MTFR1: variants seen among roughly 807,000 people sequenced by gnomAD.
The protein encoded by MTFR1 is chondrocyte protein with a poly-proline region.
Under a neutral mutation model 38.8 loss-of-function variants are expected in MTFR1, and 28 were observed. The ratio of observed to expected loss-of-function variants is 0.72; its 90% CI spans 0.53 to 0.99. The LOEUF (loss-of-function observed/expected upper bound fraction) is 0.99, where lower values mean the gene tolerates loss of function less well. Ranked by LOEUF, MTFR1 falls within the 50% of genes least tolerant of loss-of-function variation. The pLI, the probability that MTFR1 is intolerant of heterozygous loss-of-function variation, is 0.00. For missense variants in MTFR1, 358 were observed against 395.5 expected, an observed-to-expected ratio of 0.91 and a Z score of 0.81; for synonymous variants, 145 against 137.0, an observed-to-expected ratio of 1.06 and a Z score of -0.41.
chr8:65,708,729 T>G (rs1805857284), intron 7 of MTFR1, among the ~76,000 whole-genome samples: 3 of 152,206 alleles, frequency 2.0e-5, no homozygotes, highest in Admixed American at 2.0e-4. Flanking sequence ...AAAAGCAGGG[T>G]ATTGCCAAGA....
chr8:65,671,767 AC>A (rs1257293243), intron 2 of MTFR1, among the ~76,000 whole-genome samples: 1 of 152,296 alleles, frequency 6.6e-6, no homozygotes, highest in East Asian at 1.9e-4. Flanking sequence ...ATTTAAACAC[AC>A]TTGAATCTGA....
chr8:65,708,582 C>T (rs1209337964), intron 7 of MTFR1, among the ~76,000 whole-genome samples: 1 of 152,202 alleles, frequency 6.6e-6, no homozygotes, highest in Non-Finnish European at 1.5e-5. Flanking sequence ...ATTAACATTA[C>T]TGTCCTGGGG....
In MTFR1 at chr8:65,751,165, C is replaced by T. The variant is rs542519774; in HGVS notation, c.*49-19782C>T. 7.2e-5 allele frequency among the ~76,000 whole-genome samples: 11 copies of T among 152,314 alleles called. No homozygotes were observed. In the East Asian group the frequency reaches 2.1e-3, roughly 29 times the overall value. On this transcript the variant is annotated intron_variant, in intron 3 of 3. Transcript: ENST00000521247. Reference sequence around the variant, plus strand: ...CCTCATACAGGAAGCCTACACGTAACAAGATTATATTCTGGTAAAGAATGA... The same window carrying T: ...CCTCATACAGGAAGCCTACACGTAATAAGATTATATTCTGGTAAAGAATGA...
intron 3 of MTFR1, chr8:65,765,479 ACT>A (rs1420995063): frequency 1.3e-4 from 13 of 101,840 alleles, no homozygotes; most frequent in Non-Finnish European, 2.2e-4. Flanking sequence ...ACAGAGCGAG[ACT>A]CCGTCTCAAA....
chr8:65,729,881 ATTC>A (rs1254734126), intron 3 of MTFR1, among the ~76,000 whole-genome samples: 5 of 152,174 alleles, frequency 3.3e-5, no homozygotes, highest in African/African-American at 1.2e-4. Context: ...GTGAAGACAG[ATTC>A]TTGACACATT....
intron 3 of MTFR1, among the ~76,000 whole-genome samples, chr8:65,689,142 C>T (rs1039950119): frequency 6.6e-6 from 1 of 152,154 alleles, no homozygotes; most frequent in African/African-American, 2.4e-5. Context: ...AAGACTTGGT[C>T]TCAAAAACAA....
At chr8:65,656,776 C>T (rs990880442) in intron 1 of MTFR1, among the ~76,000 whole-genome samples, 1 of 151,694 alleles carries the variant, frequency 6.6e-6, no homozygotes, top group Non-Finnish European at 1.5e-5. Context: ...TCTGGGATTA[C>T]AACTATAAGC....
rs534102274 is a variant in MTFR1, at chr8:65,682,477, A to G, written c.165+26A>G. 70 of 1,167,210 alleles carry G rather than the reference A, an allele frequency of 6.0e-5. 1 individual carries two copies. In the South Asian group the frequency reaches 1.5e-3, roughly 25 times the overall value. 72.3% of individuals were successfully genotyped at this position (1,167,210 alleles called of 1,614,324 possible). ...GTATTATATTTTATATATTTTAAGT[A>G]TTTTATTAATATGTACATTAGAAAT... On this transcript the variant is annotated intron_variant, in intron 3 of 7. Coordinates refer to ENST00000262146, the MANE Select transcript of MTFR1 (RefSeq NM_014637.4).
chr8:65,704,798 A>C lies in MTFR1; in HGVS notation c.386A>C (p.Gln129Pro). The change falls in exon 5 of 8, where the codon CAG becomes CCG. Residue 129 changes from glutamine (Q) to proline (P), a missense_variant. Transcript: ENST00000262146. Reference sequence around the variant, plus strand: ...CCAGACTTGTCTCAAGAAGAGCCTCAGCTGAAGACCCCAGCGCTGGCAAAT... The same window carrying C: ...CCAGACTTGTCTCAAGAAGAGCCTCCGCTGAAGACCCCAGCGCTGGCAAAT... The part of the protein sequence containing the change: ...SLPDLSQEEP[Q>P]LKTPALANEE... The C allele has an allele frequency of 6.2e-7, 1 of 1,614,150 alleles. No homozygotes were observed.
rs1805870633 is a variant in MTFR1 at position 65,709,133 on chromosome 8, T to A, written c.*89T>A. 2 of 1,126,400 alleles carry A rather than the reference T, an allele frequency of 1.8e-6. No individual in the cohort carries two copies. Among genetic ancestry groups the A allele is most frequent in the Admixed American group, 3.5e-5 (2 of 57,750 alleles). 69.8% of individuals were successfully genotyped at this position (1,126,400 alleles called of 1,614,324 possible). ...GTAGAAATCGACACTGTTTAGTAAA[T>A]ACCTCTTTAGTATTCAGTGGTCTTC... is the stretch of plus-strand genomic sequence containing the variant. On this transcript the variant is annotated 3_prime_UTR_variant, in exon 8 of 8. Coordinates refer to ENST00000262146, the MANE Select transcript of MTFR1 (RefSeq NM_014637.4).
chr8:65,713,393 A>G (rs976431845), downstream of MTFR1, among the ~76,000 whole-genome samples: 1 of 150,316 alleles, frequency 6.7e-6, no homozygotes, highest in Non-Finnish European at 1.5e-5. Context: ...GTGAGCCAAG[A>G]TCACACCGCT....
At chr8:65,691,613 C>T (rs1386472054) in intron 3 of MTFR1, among the ~76,000 whole-genome samples, 10 of 152,074 alleles carry the variant, frequency 6.6e-5, no homozygotes, top group African/African-American at 2.2e-4. Flanking sequence ...GCTTTAGATA[C>T]TCGATGTTCT....
intron 1 of MTFR1, among the ~76,000 whole-genome samples, chr8:65,662,255 G>A (rs1187293700): frequency 1.3e-5 from 2 of 152,030 alleles, no homozygotes; most frequent in African/African-American, 4.8e-5. Flanking sequence ...GCGCCGCCAC[G>A]CCTGATTGGT....
downstream of MTFR1, among the ~76,000 whole-genome samples, chr8:65,772,732 G>A (rs1032099450): frequency 1.1e-4 from 17 of 152,202 alleles, no homozygotes; most frequent in African/African-American, 3.6e-4. Flanking sequence ...GGCCAGGTGC[G>A]GTGGTTCATG....
chr8:65,735,555 C>T (rs1448858716), intron 3 of MTFR1, among the ~76,000 whole-genome samples: 1 of 152,188 alleles, frequency 6.6e-6, no homozygotes, highest in Non-Finnish European at 1.5e-5. Flanking sequence ...AAGGAGTCCA[C>T]CTGCCTTGGC....
At chr8:65,676,659 C>T (rs754537523) in intron 2 of MTFR1, among the ~76,000 whole-genome samples, 2 of 152,108 alleles carry the variant, frequency 1.3e-5, no homozygotes, top group Non-Finnish European at 2.9e-5. Flanking sequence ...CCACCACACC[C>T]AGCCAGAAAA....
chr8:65,734,202 C>A (rs192841669), intron 3 of MTFR1, among the ~76,000 whole-genome samples: 22 of 152,212 alleles, frequency 1.4e-4, no homozygotes, highest in African/African-American at 4.8e-4. Flanking sequence ...GGAAGACTTC[C>A]ACCTTCTACT....
intron 3 of MTFR1, among the ~76,000 whole-genome samples, chr8:65,738,462 A>G (rs1032329989): frequency 2.6e-5 from 4 of 152,236 alleles, no homozygotes; most frequent in South Asian, 2.1e-4. Context: ...ACCAGGAATC[A>G]TGAATTCCTT....
At chr8:65,760,880 G>A (rs1427884269) in intron 3 of MTFR1, among the ~76,000 whole-genome samples, 2 of 152,130 alleles carry the variant, frequency 1.3e-5, no homozygotes, top group South Asian at 2.1e-4. Flanking sequence ...CCACTACAGA[G>A]AGGAAAGGAT....
Sources: gnomAD v4.1 joint callset for allele counts (sites outside exome capture counted in the v4.1 genomes callset) on GRCh38, gnomAD v4.1.1 for gene constraint, MANE v1.5 for transcripts, NCBI Gene and HGNC (gene_info 2026-07-23, HGNC 2026-07-21) for gene names.